The following AEBP2 variants were observed in gnomAD, a reference collection of about 807,000 sequenced individuals.
AEBP2 encodes AE binding protein 2.
In AEBP2, 10 loss-of-function variants were observed where a neutral mutation model predicts 50.8. The ratio of observed to expected loss-of-function variants is 0.20; its 90% confidence interval spans 0.12 to 0.33. AEBP2 has a LOEUF of 0.33. AEBP2 is among the 10% of genes least tolerant of loss of function. The probability of loss-of-function intolerance (pLI) is 1.00; values close to 1 mark genes in which losing one functional copy is unlikely to be tolerated. For missense variants in AEBP2, 570 were observed against 688.0 expected (o/e 0.83, Z 1.92); for synonymous variants, 296 against 261.3 (o/e 1.13, Z -1.28).
In AEBP2 at chr12:19,514,584, G is replaced by A. The variant is rs1454507267; in HGVS notation, c.1368-87G>A. On this transcript the variant is annotated intron_variant, in intron 6 of 7. Coordinates refer to ENST00000266508, the MANE Select transcript of AEBP2 (RefSeq NM_153207.5). ...CACTTAACGTGGACTGATCAAAGTA[G>A]CAGAAAATGCCAGAATGTGAAGGCA... The A allele has an allele frequency of 6.9e-6, 7 of 1,020,782 alleles. No individual in the cohort carries two copies. In the African/African-American group the frequency reaches 1.1e-4, roughly 17 times the overall value. The allele number at this position is 1,020,782 out of a possible 1,614,324, so 63.2% of individuals were successfully genotyped here.
At chr12:19,404,925 C>G (rs928293700) in intron 1 of AEBP2, among the ~76,000 whole-genome samples, 2 of 139,776 alleles carry the variant, frequency 1.4e-5, no homozygotes, top group Admixed American at 7.3e-5. Context: ...ACTTCCTTGG[C>G]TACTCTTTTT....
At chr12:19,503,724 G>A (rs575985920) in intron 5 of AEBP2, among the ~76,000 whole-genome samples, 35 of 151,546 alleles carry the variant, frequency 2.3e-4, no homozygotes, top group Non-Finnish European at 4.1e-4. Context: ...GGATCTTGCT[G>A]TGTTGCCCAG....
chr12:19,459,076 T>C (rs144428864), intron 1 of AEBP2, among the ~76,000 whole-genome samples: 1,786 of 152,346 alleles, frequency 0.012, 40 homozygotes, highest in African/African-American at 0.041. Flanking sequence ...TGATTGGTTG[T>C]TCACTTAGAA....
chr12:19,506,652 C>T (rs1228204294), intron 5 of AEBP2, among the ~76,000 whole-genome samples: 1 of 152,148 alleles, frequency 6.6e-6, no homozygotes, highest in Non-Finnish European at 1.5e-5. Context: ...TTCCCTCATG[C>T]AGGCTTTAAC....
At chr12:19,416,351 G>A (rs1174715475) in intron 1 of AEBP2, among the ~76,000 whole-genome samples, 2 of 152,022 alleles carry the variant, frequency 1.3e-5, no homozygotes, top group Non-Finnish European at 2.9e-5. Flanking sequence ...TCTAAGTTTT[G>A]AGCTTTTTGC....
intron 3 of AEBP2, among the ~76,000 whole-genome samples, chr12:19,484,572 A>C (rs1948779832): frequency 1.3e-5 from 2 of 151,938 alleles, no homozygotes; most frequent in South Asian, 4.2e-4. Flanking sequence ...ACGGGGTTTC[A>C]CCATGTTGGC....
upstream of AEBP2, among the ~76,000 whole-genome samples, chr12:19,435,269 A>G (rs2095753593): frequency 7.4e-6 from 1 of 136,048 alleles, no homozygotes; most frequent in Non-Finnish European, 1.5e-5. Flanking sequence ...GTGTGCCACC[A>G]TGACTGGCTA....
intron 3 of AEBP2, among the ~76,000 whole-genome samples, chr12:19,480,607 G>A (rs527444152): frequency 6.6e-6 from 1 of 152,326 alleles, no homozygotes; most frequent in Admixed American, 6.5e-5. Flanking sequence ...GCAGCAGAAG[G>A]TGGTACCCCA....
chr12:19,448,187 G>A (rs1363175963), intron 1 of AEBP2, among the ~76,000 whole-genome samples: 5 of 152,104 alleles, frequency 3.3e-5, no homozygotes, highest in Admixed American at 6.6e-5. Flanking sequence ...GATTACAGGC[G>A]TGAGCCACTG....
chr12:19,424,811 C>T (rs1051362213), intron 1 of AEBP2, among the ~76,000 whole-genome samples: 2 of 151,694 alleles, frequency 1.3e-5, no homozygotes, highest in African/African-American at 4.8e-5. Flanking sequence ...AGTTCAAGAC[C>T]AGCCTGGCCA....
intron 1 of AEBP2, among the ~76,000 whole-genome samples, chr12:19,432,527 C>T (rs1399428084): frequency 6.6e-6 from 1 of 152,098 alleles, no homozygotes; most frequent in Non-Finnish European, 1.5e-5. Context: ...AATCCCATCT[C>T]TACAAAAAAT....
rs748961386 is a variant in AEBP2 at position 19,440,149 on chromosome 12, G to A, written c.450G>A (p.Gly150=). The change falls in exon 1 of 8, where the codon GGG becomes GGA. Residue 150 remains glycine (G), a synonymous_variant. Coordinates refer to ENST00000266508, the MANE Select transcript of AEBP2 (RefSeq NM_153207.5). The part of the protein sequence containing the change: ...LSPGAASSSS[G]DGDGKEGLEE... Reference sequence around the variant, plus strand: ...CCGGCGCCGCCAGCAGCAGCAGCGGGGATGGGGACGGCAAGGAGGGCCTGG... The same window carrying A: ...CCGGCGCCGCCAGCAGCAGCAGCGGAGATGGGGACGGCAAGGAGGGCCTGG... The A allele has an allele frequency of 1.6e-4, 234 of 1,506,344 alleles. No individual in the cohort carries two copies. Among genetic ancestry groups the A allele is most frequent in the Middle Eastern group, 2.1e-4 (1 of 4,794 alleles). The allele number at this position is 1,506,344 out of a possible 1,614,324, so 93.3% of individuals were successfully genotyped here.
At chr12:19,407,117 CAT>C (rs2095736713) in intron 1 of AEBP2, among the ~76,000 whole-genome samples, 1 of 152,022 alleles carries the variant, frequency 6.6e-6, no homozygotes, top group Non-Finnish European at 1.5e-5. Context: ...TTATGAACAA[CAT>C]AGCGAAACCC....
At chr12:19,512,083 G>A (rs1455485390) in intron 5 of AEBP2, among the ~76,000 whole-genome samples, 1 of 151,750 alleles carries the variant, frequency 6.6e-6, no homozygotes, top group Non-Finnish European at 1.5e-5. Context: ...GTGCAGTGGC[G>A]TGATCTTGGC....
At chr12:19,468,340 A>C (rs1254134092) in intron 2 of AEBP2, among the ~76,000 whole-genome samples, 1 of 151,912 alleles carries the variant, frequency 6.6e-6, no homozygotes, top group African/African-American at 2.4e-5. Context: ...TTTTTGTGTA[A>C]TTTTACTGAA....
At chr12:19,417,098 C>T (rs141330386) in intron 1 of AEBP2, among the ~76,000 whole-genome samples, 10 of 152,044 alleles carry the variant, frequency 6.6e-5, no homozygotes, top group African/African-American at 2.4e-4. Flanking sequence ...GTCTCGATCT[C>T]CTGATCTCAT....
intron 3 of AEBP2, among the ~76,000 whole-genome samples, chr12:19,483,122 A>G (rs944575405): frequency 4.6e-5 from 7 of 151,962 alleles, no homozygotes; most frequent in Admixed American, 1.3e-4. Flanking sequence ...AATTGTTACT[A>G]TCTCATTTAG....
chr12:19,491,657 A>G (rs1233268485), intron 3 of AEBP2, among the ~76,000 whole-genome samples: 1 of 152,122 alleles, frequency 6.6e-6, no homozygotes, highest in Non-Finnish European at 1.5e-5. Flanking sequence ...CCCCCAAAAT[A>G]TATTTTGTAT....
In AEBP2 at chr12:19,456,897, A is replaced by G. The variant is rs757069982; in HGVS notation, c.672-5613A>G. The G allele has an allele frequency of 5.4e-5, 79 of 1,460,834 alleles. 1 individual carries two copies. The highest frequency in any genetic ancestry group is 6.9e-5 in the Non-Finnish European group (72 of 1,042,660). The allele number at this position is 1,460,834 out of a possible 1,614,324, so 90.5% of individuals were successfully genotyped here. A position where few individuals can be genotyped will look rare whatever the true frequency, so the allele number is the denominator to read the frequency against. On this transcript the variant is annotated intron_variant, in intron 1 of 7. Transcript: ENST00000266508. ...TGTAGACATCCTGGAGAGGCAGGCAAAGGGGCTTGTTAGTTGGATGAGTTG... is the reference window on the plus strand; with the variant it reads ...TGTAGACATCCTGGAGAGGCAGGCAGAGGGGCTTGTTAGTTGGATGAGTTG...
Sources: allele counts gnomAD v4.1 joint callset (sites outside exome capture counted in the v4.1 genomes callset), GRCh38; gene constraint gnomAD v4.1.1; transcripts MANE v1.5; gene names NCBI Gene and HGNC (gene_info 2026-07-23, HGNC 2026-07-21).